PPP2R5C: variants seen among roughly 807,000 people sequenced by gnomAD.
PPP2R5C encodes the protein protein phosphatase 2 regulatory subunit B'gamma.
Under a neutral mutation model 68.9 loss-of-function variants are expected in PPP2R5C, and 7 were observed. The ratio of observed to expected loss-of-function variants is 0.10; its 90% CI spans 0.06 to 0.19. The LOEUF (loss-of-function observed/expected upper bound fraction) is 0.19, where lower values mean the gene tolerates loss of function less well. Ranked by LOEUF, PPP2R5C falls within the 10% of genes least tolerant of loss-of-function variation. The pLI, the probability that PPP2R5C is intolerant of heterozygous loss-of-function variation, is 1.00. For synonymous variants in PPP2R5C, 210 were observed against 222.2 expected (o/e 0.95, Z 0.49); for missense variants, 348 against 641.3 (o/e 0.54, Z 4.94).
chr14:101,772,444 C>A (rs551342764), intron 2 of PPP2R5C, among the ~76,000 whole-genome samples: 2 of 152,046 alleles, frequency 1.3e-5, no homozygotes, highest in Non-Finnish European at 2.9e-5. Context: ...TAGACATTTT[C>A]TCTTATTTAT....
chr14:101,841,170 AG>A (rs1324704435), intron 1 of PPP2R5C, among the ~76,000 whole-genome samples: 1 of 152,142 alleles, frequency 6.6e-6, no homozygotes, highest in Non-Finnish European at 1.5e-5. Flanking sequence ...AGGGTCACTA[AG>A]GTAGTCAGAG....
Position 101,918,789 on chromosome 14 carries a change from C to T in PPP2R5C, c.1443+842C>T, listed in dbSNP as rs1216495508. On this transcript the variant is annotated intron_variant, in intron 13 of 13. Transcript: ENST00000334743. ...AACTGACTCAGTTCCTGCCTGGGTT[C>T]AAGGAGCGTTTCAGCTGCCGTGTTT... 2.0e-5 allele frequency among the ~76,000 whole-genome samples: 3 copies of T among 148,118 alleles called. 1 individual carries two copies. Among genetic ancestry groups the T allele is most frequent in the Non-Finnish European group, 4.5e-5 (3 of 67,340 alleles).
chr14:101,912,755 C>G (rs1297851192), intron 12 of PPP2R5C: 2 of 345,442 alleles, frequency 5.8e-6, no homozygotes, highest in African/African-American at 2.1e-5. Context: ...TTGAATACAG[C>G]CTGAGACTGT....
intron 2 of PPP2R5C, among the ~76,000 whole-genome samples, chr14:101,861,497 A>G (rs1398244027): frequency 6.6e-6 from 1 of 152,256 alleles, no homozygotes; most frequent in Non-Finnish European, 1.5e-5. Context: ...CCTTAGCAAG[A>G]AGCACAGTGA....
intron 1 of PPP2R5C, among the ~76,000 whole-genome samples, chr14:101,822,755 T>A (rs182944299): frequency 3.9e-5 from 6 of 152,272 alleles, no homozygotes; most frequent in Admixed American, 2.6e-4. Flanking sequence ...TGCATTTTTT[T>A]ACTTCTAAAT....
intron 8 of PPP2R5C, among the ~76,000 whole-genome samples, chr14:101,901,097 T>C (rs1387166908): frequency 6.6e-6 from 1 of 152,236 alleles, no homozygotes; most frequent in Admixed American, 6.5e-5. Context: ...TGTGTTTGTG[T>C]ATAAACACAT....
At chr14:101,772,704 G>C (rs2037215702) in intron 2 of PPP2R5C, among the ~76,000 whole-genome samples, 1 of 152,142 alleles carries the variant, frequency 6.6e-6, no homozygotes, top group South Asian at 2.1e-4. Flanking sequence ...GCTGAGGCAG[G>C]AGAATCCCTG....
At chr14:101,770,820 A>G (rs540945835) in intron 2 of PPP2R5C, among the ~76,000 whole-genome samples, 18 of 152,378 alleles carry the variant, frequency 1.2e-4, no homozygotes, top group African/African-American at 4.3e-4. Context: ...AAAGGTTTCC[A>G]CCTGCATCCT....
intron 2 of PPP2R5C, among the ~76,000 whole-genome samples, chr14:101,783,477 G>A (rs1156577274): frequency 6.6e-6 from 1 of 151,814 alleles, no homozygotes; most frequent in African/African-American, 2.4e-5. Flanking sequence ...GCTGGTGGCT[G>A]GGCTGGGCAG....
Position 101,883,240 on chromosome 14 carries a change from G to GT in PPP2R5C, c.406-9dup, listed in dbSNP as rs745713697. The GT allele has an allele frequency of 5.0e-5, 74 of 1,476,036 alleles. 1 individual carries two copies. The highest frequency in any genetic ancestry group is 4.6e-4 in the Admixed American group (21 of 46,032). The allele number at this position is 1,476,036 out of a possible 1,614,324, so 91.4% of individuals were successfully genotyped here. A position where few individuals can be genotyped will look rare whatever the true frequency, so the allele number is the denominator to read the frequency against. Reference sequence around the variant, plus strand: ...AAAATCTCATGTTATTTGACTCATTGTTTTTTTTCCTCCTAGCTTGTTTAT... The same window carrying GT: ...AAAATCTCATGTTATTTGACTCATTGTTTTTTTTTCCTCCTAGCTTGTTTAT... On this transcript the variant is annotated splice_polypyrimidine_tract_variant and intron_variant, in intron 3 of 13. Transcript: ENST00000334743.
At chr14:101,816,087 A>T (rs998694335) in intron 1 of PPP2R5C, among the ~76,000 whole-genome samples, 2 of 152,206 alleles carry the variant, frequency 1.3e-5, no homozygotes, top group Non-Finnish European at 1.5e-5. Context: ...TCAATGAAAA[A>T]CATATAGGAG....
At chr14:101,914,340 A>G (rs1193972913) in intron 12 of PPP2R5C, 2 of 343,620 alleles carry the variant, frequency 5.8e-6, no homozygotes, top group Admixed American at 4.1e-5. Flanking sequence ...AAAATACTTC[A>G]TGGGTCAATA....
intron 2 of PPP2R5C, among the ~76,000 whole-genome samples, chr14:101,874,940 A>C (rs1177684811): frequency 6.6e-6 from 1 of 152,134 alleles, no homozygotes; most frequent in Non-Finnish European, 1.5e-5. Context: ...GGGTTTTGCC[A>C]TGTTGGCCAG....
chr14:101,882,507 A>T lies in PPP2R5C; in HGVS notation c.405+236A>T, dbSNP rs986539696. 12 of 381,344 alleles carry T rather than the reference A, an allele frequency of 3.1e-5. No homozygotes were observed. In the Admixed American group the frequency reaches 4.8e-4, roughly 15 times the overall value. The allele number at this position is 381,344 out of a possible 1,614,324, so 23.6% of individuals were successfully genotyped here. A position where few individuals can be genotyped will look rare whatever the true frequency, so the allele number is the denominator to read the frequency against. On this transcript the variant is annotated intron_variant, in intron 3 of 13. Transcript: ENST00000334743. The surrounding 1 kb of genome is among the most constrained non-coding windows in gnomAD (Gnocchi z 4.9). ...AATTGTGAGTATGTTCTCAGTGAAG[A>T]TGGCCGCTGTGTTGATGGCCGTTGA...
chr14:101,878,702 T>C (rs2043952223), intron 2 of PPP2R5C, among the ~76,000 whole-genome samples: 1 of 152,186 alleles, frequency 6.6e-6, no homozygotes, highest in African/African-American at 2.4e-5. Context: ...TGGACTCTCC[T>C]CAGAGAAGCT....
At chr14:101,844,700 C>T (rs934876673) in intron 1 of PPP2R5C, among the ~76,000 whole-genome samples, 2 of 152,166 alleles carry the variant, frequency 1.3e-5, no homozygotes, top group African/African-American at 4.8e-5. Flanking sequence ...ATCTTTTTCA[C>T]ACCTCTACAC....
exon 4 of PPP2R5C, chr14:101,883,319 G>A: frequency 6.3e-7 from 1 of 1,598,232 alleles, no homozygotes; most frequent in South Asian, 1.1e-5. Context: ...ATATAGCGAA[G>A]AAATATATTG....
chr14:101,857,469 G>T (rs1049531657), intron 2 of PPP2R5C, among the ~76,000 whole-genome samples: 1 of 152,214 alleles, frequency 6.6e-6, no homozygotes, highest in Non-Finnish European at 1.5e-5. Flanking sequence ...GGCTGAGAAG[G>T]CCTTCCTCTG....
intron 13 of PPP2R5C, 144 bp from the exon 16 acceptor site, chr14:101,924,997 G>C: frequency 1.1e-6 from 1 of 896,818 alleles, no homozygotes; most frequent in South Asian, 1.6e-5. Flanking sequence ...TAAGACCTAC[G>C]CCGTTTCCCT....
Sources: allele counts gnomAD v4.1 joint callset (sites outside exome capture counted in the v4.1 genomes callset), GRCh38; gene constraint gnomAD v4.1.1; non-coding constraint Gnocchi (gnomAD v3.1); transcripts MANE v1.5; gene names NCBI Gene and HGNC (gene_info 2026-07-23, HGNC 2026-07-21).